SCN9A: variants seen among roughly 807,000 people sequenced by gnomAD.
The protein encoded by SCN9A is sodium channel protein type 9 subunit alpha.
SCN9A carries 131 observed loss-of-function variants against 187.0 expected under a neutral mutation model. That is an observed-to-expected ratio of 0.70 (90% confidence interval 0.61 to 0.81). The LOEUF (loss-of-function observed/expected upper bound fraction) is 0.81, where lower values mean the gene tolerates loss of function less well. SCN9A is among the 30% of genes least tolerant of loss of function. The pLI, the probability that SCN9A is intolerant of heterozygous loss-of-function variation, is 0.00. For missense variants in SCN9A, 2,252 were observed against 2,396.6 expected, an observed-to-expected ratio of 0.94 and a Z score of 1.26; for synonymous variants, 809 against 808.6, an observed-to-expected ratio of 1.00 and a Z score of -0.01.
At position 166,266,951 on chromosome 2, in the gene SCN9A, T is replaced by C. The variant is rs1046696294; in HGVS notation, c.3351+5448A>G. ...CATTTATGAAATCTACTACTTTTTT[T>C]CATGGGGTCATTAGAACTCTCTATA... On this transcript the variant is annotated intron_variant, in intron 17 of 26. Transcript: ENST00000642356. 1.2e-4 allele frequency among the ~76,000 whole-genome samples: 18 copies of C among 152,086 alleles called. No homozygotes were observed. In the East Asian group the frequency reaches 3.5e-3, roughly 29 times the overall value.
At chr2:166,321,209 G>A (rs1363608455) in intron 1 of SCN9A, among the ~76,000 whole-genome samples, 1 of 152,114 alleles carries the variant, frequency 6.6e-6, no homozygotes, top group Admixed American at 6.5e-5. Context: ...TTTAAAATTG[G>A]AAAGGATAAA....
chr2:166,302,891 G>T (rs947199630), intron 7 of SCN9A, 199 bp downstream of exon 7: 1 of 482,386 alleles, frequency 2.1e-6, no homozygotes, highest in East Asian at 3.8e-5. Context: ...TGTTCCTTTT[G>T]CCAGTACTGC....
rs925942179 is a variant in SCN9A, at chr2:166,306,712, T to C, written c.378-113A>G. ...CTAAGAAAAAAATTCTAAATGAGCT[T>C]GTAGACTATTTTGTCTCTTTGAACA... On this transcript the variant is annotated intron_variant, in intron 3 of 26. Coordinates refer to ENST00000642356, the MANE Select transcript of SCN9A (RefSeq NM_001365536.1). 6.4e-6 allele frequency: 5 copies of C among 782,596 alleles called. No individual in the cohort carries two copies. The African/African-American group carries it at 8.7e-5, about 14-fold the overall frequency. 48.5% of individuals were successfully genotyped at this position (782,596 alleles called of 1,614,324 possible).
In SCN9A at chr2:166,322,391, C is replaced by T. The variant is rs1699266423; in HGVS notation, c.-50-10585G>A. On this transcript the variant is annotated intron_variant, in intron 1 of 26. Transcript: ENST00000642356. ...CAGGTCAATAATCATCTTGGCCTTT[C>T]CCATTACAATTTGTGCTCCACATTT... Among the ~76,000 whole-genome samples the T allele has an allele frequency of 2.0e-5, 3 of 152,142 alleles. No homozygotes were observed. In the South Asian group the frequency reaches 6.2e-4, roughly 32 times the overall value.
rs1165340656 is a variant in SCN9A at position 166,236,932 on chromosome 2, A to T, written c.3801+1162T>A. Among the ~76,000 whole-genome samples the T allele has an allele frequency of 2.0e-5, 3 of 152,278 alleles. No homozygotes were observed. The South Asian group carries it at 6.2e-4, about 32-fold the overall frequency. On this transcript the variant is annotated intron_variant, in intron 20 of 26. Coordinates refer to ENST00000642356, the MANE Select transcript of SCN9A (RefSeq NM_001365536.1). ...CCCTTGGTTAAATTTTAAAGCACTT[A>T]TTGGCATATACAAATTTGCGTGTTG...
chr2:166,312,713 C>T (rs759618971), intron 1 of SCN9A, among the ~76,000 whole-genome samples: 1 of 152,028 alleles, frequency 6.6e-6, no homozygotes, highest in African/African-American at 2.4e-5. Context: ...GAATGGATAG[C>T]GTTAGCAGGC....
chr2:166,211,955 T>C (rs1040112502), intron 24 of SCN9A, among the ~76,000 whole-genome samples: 1 of 152,168 alleles, frequency 6.6e-6, no homozygotes, highest in African/African-American at 2.4e-5. Flanking sequence ...GGATTAAACT[T>C]CCCAATCAAA....
intron 17 of SCN9A, among the ~76,000 whole-genome samples, chr2:166,265,287 CAT>C (rs1303700006): frequency 6.6e-6 from 1 of 151,962 alleles, no homozygotes; most frequent in Non-Finnish European, 1.5e-5. Flanking sequence ...TTAGATTCCA[CAT>C]ATGTGTGAGA....
intron 9 of SCN9A, 80 bp downstream of exon 9, chr2:166,293,151 A>T (rs2106502972): frequency 3.1e-6 from 4 of 1,279,082 alleles, no homozygotes; most frequent in South Asian, 3.0e-5. Flanking sequence ...TAAATAAAAA[A>T]CCTCCTAATA....
chr2:166,289,717 T>C (rs750349784), intron 9 of SCN9A, among the ~76,000 whole-genome samples: 1 of 152,038 alleles, frequency 6.6e-6, no homozygotes, highest in Non-Finnish European at 1.5e-5. Context: ...GATTGCTGGG[T>C]CACTGTCTTC....
At chr2:166,199,886 A>G (rs1390158326) in intron 26 of SCN9A, 22 bp from the exon 27 acceptor site, 2 of 1,597,094 alleles carry the variant, frequency 1.3e-6, no homozygotes, top group Non-Finnish European at 1.7e-6. Flanking sequence ...GGAAAATAAT[A>G]GAAATAAAAT....
At chr2:166,229,106 C>T in intron 21 of SCN9A, 134 bp from the exon 22 acceptor site, 1 of 649,192 alleles carries the variant, frequency 1.5e-6, no homozygotes, top group Non-Finnish European at 2.6e-6. Flanking sequence ...AACCAACCAG[C>T]CGACTCATGT....
intron 14 of SCN9A, among the ~76,000 whole-genome samples, chr2:166,278,811 G>T (rs982111696): frequency 2.6e-5 from 4 of 152,034 alleles, no homozygotes; most frequent in Non-Finnish European, 5.9e-5. Flanking sequence ...TGACAATGTG[G>T]CAGCTAAAGT....
At chr2:166,299,540 C>T (rs1574894745) in intron 7 of SCN9A, among the ~76,000 whole-genome samples, 1 of 150,704 alleles carries the variant, frequency 6.6e-6, no homozygotes, top group South Asian at 2.1e-4. Context: ...ACTTTATTGG[C>T]GGCTCTTTCT....
chr2:166,210,284 C>G (rs909574532), intron 24 of SCN9A, among the ~76,000 whole-genome samples: 1 of 151,672 alleles, frequency 6.6e-6, no homozygotes, highest in South Asian at 2.1e-4. Flanking sequence ...GGAAGGGGAC[C>G]ATCACACACC....
chr2:166,197,414 T>G lies in SCN9A; in HGVS notation c.*1258A>C, dbSNP rs1693276481. ...ATAGAATTTTAAGGAGAAGGTGACATCTTCCTCATTGTATACATTGAAGTA... is the reference window on the plus strand; with the variant it reads ...ATAGAATTTTAAGGAGAAGGTGACAGCTTCCTCATTGTATACATTGAAGTA... On this transcript the variant is annotated 3_prime_UTR_variant, in exon 27 of 27. Coordinates refer to ENST00000642356, the MANE Select transcript of SCN9A (RefSeq NM_001365536.1). 1 of 152,132 alleles carries G rather than the reference T, an allele frequency of 6.6e-6. No homozygotes were observed. Among genetic ancestry groups the G allele is most frequent in the Non-Finnish European group, 1.5e-5 (1 of 67,978 alleles). The allele number at this position is 152,132 out of a possible 1,614,324, so 9.4% of individuals were successfully genotyped here. A position where few individuals can be genotyped will look rare whatever the true frequency, so the allele number is the denominator to read the frequency against.
At chr2:166,242,250 G>A (rs1255290619) in intron 19 of SCN9A, among the ~76,000 whole-genome samples, 1 of 150,508 alleles carries the variant, frequency 6.6e-6, no homozygotes, top group East Asian at 2.0e-4. Flanking sequence ...GATATTGCCA[G>A]TAAAATTCTC....
At chr2:166,365,203 G>A (rs372490157) in intron 1 of SCN9A, among the ~76,000 whole-genome samples, 1 of 152,050 alleles carries the variant, frequency 6.6e-6, no homozygotes, top group South Asian at 2.1e-4. Flanking sequence ...ATCCATTACA[G>A]ACAGGAAGAG....
In SCN9A at chr2:166,343,999, T is replaced by C. The variant is rs555612139; in HGVS notation, c.-51+31698A>G. Among the ~76,000 whole-genome samples the C allele has an allele frequency of 1.3e-3, 191 of 152,318 alleles. 1 individual carries two copies. Among genetic ancestry groups the C allele is most frequent in the African/African-American group, 4.5e-3 (187 of 41,572 alleles). On this transcript the variant is annotated intron_variant, in intron 1 of 26. Transcript: ENST00000642356. ...AAAATGCTAAGTGTCAATTCTTTACTTGTGAGATAACAGATTAGGATCATG... is the reference window on the plus strand; with the variant it reads ...AAAATGCTAAGTGTCAATTCTTTACCTGTGAGATAACAGATTAGGATCATG...
Sources: allele counts gnomAD v4.1 joint callset (sites outside exome capture counted in the v4.1 genomes callset), GRCh38; gene constraint gnomAD v4.1.1; transcripts MANE v1.5; gene names NCBI Gene and HGNC (gene_info 2026-07-23, HGNC 2026-07-21).